The following GPHN variants were observed in gnomAD, a reference collection of about 807,000 sequenced individuals.
The protein encoded by GPHN is gephyrin.
GPHN carries 17 observed loss-of-function variants against 95.5 expected under a neutral mutation model. The ratio of observed to expected loss-of-function variants is 0.18; its 90% CI spans 0.12 to 0.27. The LOEUF (loss-of-function observed/expected upper bound fraction) is 0.27. GPHN is among the 10% of genes least tolerant of loss of function. GPHN has a pLI of 1.00. For missense variants in GPHN, 660 were observed against 978.1 expected (o/e 0.67, Z 4.34); for synonymous variants, 320 against 322.5 (o/e 0.99, Z 0.08).
the GPHN span, chr14:67,198,087 T>C: frequency 6.6e-7 from 1 of 1,524,116 alleles, no homozygotes; most frequent in Non-Finnish European, 8.8e-7. Flanking sequence ...AACTTAATTA[T>C]GATATTAAAT....
chr14:67,494,207 G>A, the GPHN span, among the ~76,000 whole-genome samples: 4 of 152,152 alleles, frequency 2.6e-5, no homozygotes, highest in African/African-American at 9.7e-5. Flanking sequence ...TAATTAAAGG[G>A]AATGTTATCT....
intron 1 of GPHN, among the ~76,000 whole-genome samples, chr14:66,623,487 G>C (rs904017012): frequency 2.0e-5 from 3 of 152,018 alleles, no homozygotes; most frequent in African/African-American, 7.3e-5. Flanking sequence ...GTGTGGTGAT[G>C]TGCACCTGTA....
At chr14:66,541,419 A>G (rs1005283220) in intron 1 of GPHN, among the ~76,000 whole-genome samples, 1 of 152,264 alleles carries the variant, frequency 6.6e-6, no homozygotes, top group African/African-American at 2.4e-5. Context: ...AAAAGTTCTT[A>G]GGTCAATTAT....
chr14:67,610,189 AC>A, the GPHN span, among the ~76,000 whole-genome samples: 401 of 152,224 alleles, frequency 2.6e-3, 2 homozygotes, highest in Non-Finnish European at 4.7e-3. Context: ...CTGAGAAACC[AC>A]CTTTGCAGAA....
intron 3 of GPHN, among the ~76,000 whole-genome samples, chr14:66,792,778 C>T (rs2060017919): frequency 6.6e-6 from 1 of 152,178 alleles, no homozygotes; most frequent in African/African-American, 2.4e-5. Context: ...AGTGGGAAAT[C>T]AAGGGTCTCA....
the GPHN span, among the ~76,000 whole-genome samples, chr14:67,205,853 G>C: frequency 1.5e-3 from 225 of 152,298 alleles, no homozygotes; most frequent in Middle Eastern, 0.02. Context: ...AAAGAGATCT[G>C]TTTGAAGACT....
the GPHN span, chr14:67,570,055 G>A: frequency 4.2e-5 from 54 of 1,292,502 alleles, no homozygotes; most frequent in Non-Finnish European, 5.3e-5. Flanking sequence ...CATCAGGAAA[G>A]GCCCCTGGCC....
At chr14:67,505,809 C>T in the GPHN span, among the ~76,000 whole-genome samples, 1 of 151,914 alleles carries the variant, frequency 6.6e-6, no homozygotes, top group Non-Finnish European at 1.5e-5. Flanking sequence ...AGGGTTCAAG[C>T]AATTCTCCTG....
At chr14:67,454,355 T>C in the GPHN span, 3 of 152,212 alleles carry the variant, frequency 2.0e-5, no homozygotes, top group Non-Finnish European at 4.4e-5. Flanking sequence ...GATGAACAAA[T>C]CCTCCTTGAA....
At chr14:66,876,006 A>G (rs142709846) in intron 4 of GPHN, among the ~76,000 whole-genome samples, 2 of 152,328 alleles carry the variant, frequency 1.3e-5, no homozygotes, top group East Asian at 3.9e-4. Flanking sequence ...ATTGGAAGTA[A>G]AACATTCCTC....
chr14:67,374,447 T>C, the GPHN span: 2 of 1,541,200 alleles, frequency 1.3e-6, no homozygotes, highest in African/African-American at 1.4e-5. Context: ...GAGATGATTT[T>C]TTCACAATTT....
the GPHN span, among the ~76,000 whole-genome samples, chr14:67,428,734 T>C: frequency 6.6e-6 from 1 of 152,208 alleles, no homozygotes; most frequent in African/African-American, 2.4e-5. Flanking sequence ...ACGCTGCCCC[T>C]TCCTTCCAAC....
At position 66,681,672 on chromosome 14, in the gene GPHN, G is replaced by A. The variant is rs1056891013; in HGVS notation, c.143+487G>A. On this transcript the variant is annotated intron_variant, in intron 2 of 22. Coordinates refer to ENST00000478722, the MANE Select transcript of GPHN (RefSeq NM_020806.5). ...ATTTTGGAGAGTTTGATAGATTTCA[G>A]TTTTTAATTTTTTTGCTCATCAGTC... Among the ~76,000 whole-genome samples the A allele has an allele frequency of 1.3e-4, 20 of 152,022 alleles. 1 individual carries two copies. The highest frequency in any genetic ancestry group is 2.8e-4 in the Non-Finnish European group (19 of 67,946).
intron 10 of GPHN, among the ~76,000 whole-genome samples, chr14:67,035,772 C>T (rs770267659): frequency 2.0e-5 from 3 of 151,672 alleles, no homozygotes; most frequent in Non-Finnish European, 4.4e-5. Context: ...AAGAAAACCT[C>T]CCAATAAAGT....
chr14:67,056,788 G>A (rs538510916), intron 10 of GPHN, among the ~76,000 whole-genome samples: 8 of 151,554 alleles, frequency 5.3e-5, no homozygotes, highest in South Asian at 4.2e-4. Flanking sequence ...GGCACCTGTC[G>A]TGGCAGGAGC....
chr14:67,726,147 A>C, the GPHN span: 3 of 1,601,906 alleles, frequency 1.9e-6, no homozygotes, highest in Non-Finnish European at 2.6e-6. Flanking sequence ...CTGGGAGTCA[A>C]CCACCTGGGT....
the GPHN span, among the ~76,000 whole-genome samples, chr14:67,265,226 C>T: frequency 6.6e-6 from 1 of 152,110 alleles, no homozygotes; most frequent in East Asian, 1.9e-4. Flanking sequence ...TTTAGAAATG[C>T]CTTTTATTAT....
At chr14:66,836,662 C>A (rs916116966) in intron 4 of GPHN, among the ~76,000 whole-genome samples, 31 of 144,114 alleles carry the variant, frequency 2.2e-4, no homozygotes, top group Middle Eastern at 3.5e-3. Flanking sequence ...AGGCAACCTA[C>A]AAAATGGGAG....
At chr14:67,461,970 C>T in the GPHN span, among the ~76,000 whole-genome samples, 5 of 152,232 alleles carry the variant, frequency 3.3e-5, no homozygotes, top group Non-Finnish European at 7.3e-5. Flanking sequence ...GTCAAGTTGT[C>T]CCTGGAGCTG....
Sources: gnomAD v4.1 joint callset for allele counts (sites outside exome capture counted in the v4.1 genomes callset) on GRCh38, gnomAD v4.1.1 for gene constraint, MANE v1.5 for transcripts, NCBI Gene and HGNC (gene_info 2026-07-23, HGNC 2026-07-21) for gene names.